Variants in OIT3 observed in about 807,000 individuals in gnomAD.
The protein encoded by OIT3 is oncoprotein-induced transcript 3 protein.
A neutral mutation model predicts 52.2 loss-of-function variants in OIT3; 41 were observed. That is an observed-to-expected ratio of 0.79 (90% CI 0.61 to 1.02). OIT3 has a LOEUF of 1.02. Among genes scored for constraint, OIT3 ranks in the 50% least tolerant of loss-of-function variants. The probability of loss-of-function intolerance (pLI) is 0.00; values close to 1 mark genes in which losing one functional copy is unlikely to be tolerated. For missense variants in OIT3, 634 were observed against 715.5 expected (o/e 0.89, Z 1.30); for synonymous variants, 244 against 276.9 (o/e 0.88, Z 1.18).
At chr10:72,900,328 T>A in intron 2 of OIT3, 49 bp from the exon 3 acceptor site, 2 of 913,938 alleles carry the variant, frequency 2.2e-6, no homozygotes, top group Non-Finnish European at 1.7e-6. Context: ...AATGAAAGAG[T>A]GTCTTCTGGT....
intron 4 of OIT3, among the ~76,000 whole-genome samples, chr10:72,908,233 C>T (rs2132933222): frequency 6.6e-6 from 1 of 152,008 alleles, no homozygotes; most frequent in African/African-American, 2.4e-5. Context: ...CAAAGAGAGA[C>T]TCCAGCTAAA....
At chr10:72,906,861 A>G (rs1405688012) in intron 4 of OIT3, 143 bp downstream of exon 4, 12 of 724,194 alleles carry the variant, frequency 1.7e-5, no homozygotes, top group South Asian at 1.1e-4. Flanking sequence ...GTTCATCAAC[A>G]TTGAGAATAC....
chr10:72,931,247 A>G (rs1002758742), intron 8 of OIT3, among the ~76,000 whole-genome samples: 3 of 152,206 alleles, frequency 2.0e-5, no homozygotes, highest in African/African-American at 7.2e-5. Flanking sequence ...CTTAAAAACA[A>G]AACAAAACAG....
At chr10:72,905,268 C>T (rs1448735127) in intron 3 of OIT3, among the ~76,000 whole-genome samples, 1 of 152,100 alleles carries the variant, frequency 6.6e-6, no homozygotes, top group Non-Finnish European at 1.5e-5. Context: ...GTCAGGAGTT[C>T]ATGACCAGCC....
intron 7 of OIT3, among the ~76,000 whole-genome samples, chr10:72,930,038 T>C (rs1337437671): frequency 6.6e-6 from 1 of 152,254 alleles, no homozygotes; most frequent in Non-Finnish European, 1.5e-5. Flanking sequence ...GAAACTTGGA[T>C]ATTTATGTCA....
chr10:72,930,476 A>AGAT (rs1846205987), intron 7 of OIT3, 62 bp from the exon 8 acceptor site: 1 of 1,232,560 alleles, frequency 8.1e-7, no homozygotes, highest in African/African-American at 1.5e-5. Context: ...ATGTTGGGTT[A>AGAT]GATTGTTTTT....
intron 4 of OIT3, 57 bp from the exon 5 acceptor site, chr10:72,911,660 A>T: frequency 6.4e-7 from 1 of 1,571,696 alleles, no homozygotes; most frequent in Non-Finnish European, 8.6e-7. Context: ...AAAGTGCCAG[A>T]ATTCTTGGGG....
intron 1 of OIT3, among the ~76,000 whole-genome samples, chr10:72,895,750 G>A (rs1185421336): frequency 1.3e-5 from 2 of 152,166 alleles, no homozygotes; most frequent in Non-Finnish European, 2.9e-5. Flanking sequence ...TGGTCCTGGT[G>A]GAAGACAGCA....
At chr10:72,911,918 C>G in intron 5 of OIT3, 79 bp downstream of exon 5, 1 of 1,342,712 alleles carries the variant, frequency 7.4e-7, no homozygotes. Context: ...CTTCCTCCCC[C>G]AAGTGTGTCA....
intron 7 of OIT3, among the ~76,000 whole-genome samples, chr10:72,925,947 C>T (rs1269700907): frequency 2.0e-5 from 3 of 152,212 alleles, no homozygotes; most frequent in African/African-American, 7.2e-5. Context: ...CATGGTATTT[C>T]CTAAGGATCC....
intron 6 of OIT3, among the ~76,000 whole-genome samples, chr10:72,923,159 G>T (rs977984223): frequency 6.6e-6 from 1 of 152,184 alleles, no homozygotes; most frequent in Non-Finnish European, 1.5e-5. Context: ...TTACAGGTGT[G>T]AGCCACCGTG....
Position 72,932,425 on chromosome 10 carries a change from C to T in OIT3, c.1539C>T (p.Cys513=), listed in dbSNP as rs745818471. 1.9e-6 allele frequency: 3 copies of T among 1,614,176 alleles called. No individual in the cohort carries two copies. The highest frequency in any genetic ancestry group is 3.3e-5 in the Admixed American group (2 of 60,018). ...LDERSRCAQG[C]HRRMRRGAGG... ...AGCGTTCCCGCTGTGCCCAGGGTTG[C>T]CACCGGCGAATGCGTCGTGGGGCAG... The change falls in exon 9 of 9, where the codon TGC becomes TGT. Residue 513 remains cysteine, a synonymous_variant. Transcript: ENST00000334011.
chr10:72,931,773 T>G (rs1228031116), intron 8 of OIT3, among the ~76,000 whole-genome samples: 1 of 152,214 alleles, frequency 6.6e-6, no homozygotes, highest in Non-Finnish European at 1.5e-5. Context: ...GTGTACTTGT[T>G]GAAACATTTA....
chr10:72,903,610 AG>A (rs1845951963), intron 3 of OIT3, among the ~76,000 whole-genome samples: 1 of 152,328 alleles, frequency 6.6e-6, no homozygotes, highest in African/African-American at 2.4e-5. Flanking sequence ...CTCAGCCTCC[AG>A]GGGTAATCAT....
At chr10:72,918,399 GT>G in intron 6 of OIT3, 5 of 781,242 alleles carry the variant, frequency 6.4e-6, no homozygotes, top group Non-Finnish European at 1.1e-5. Context: ...TAAACTGACT[GT>G]TTTTAAAGAT....
At chr10:72,898,166 G>A (rs1845893934) in intron 1 of OIT3, among the ~76,000 whole-genome samples, 1 of 151,738 alleles carries the variant, frequency 6.6e-6, no homozygotes, top group East Asian at 1.9e-4. Context: ...ATACGCTTGT[G>A]GTCCCAGCTA....
intron 6 of OIT3, among the ~76,000 whole-genome samples, chr10:72,915,957 G>C (rs1484256202): frequency 1.3e-5 from 2 of 152,070 alleles, no homozygotes; most frequent in African/African-American, 2.4e-5. Context: ...TGAATAATGG[G>C]CATCAACTGT....
intron 8 of OIT3, among the ~76,000 whole-genome samples, 160 bp from the exon 9 acceptor site, chr10:72,932,194 T>C (rs1453971090): frequency 6.6e-6 from 1 of 152,236 alleles, no homozygotes; most frequent in African/African-American, 2.4e-5. Context: ...AACCTCTCTG[T>C]TTCCTTATCT....
intron 7 of OIT3, among the ~76,000 whole-genome samples, chr10:72,928,608 G>A (rs1003440616): frequency 2.0e-5 from 3 of 152,056 alleles, no homozygotes; most frequent in African/African-American, 4.8e-5. Context: ...ACTCCTTGAC[G>A]TCAGAGACCA....
Sources: allele counts gnomAD v4.1 joint callset (sites outside exome capture counted in the v4.1 genomes callset), GRCh38; gene constraint gnomAD v4.1.1; transcripts MANE v1.5; gene names NCBI Gene and HGNC (gene_info 2026-07-23, HGNC 2026-07-21).